The following JAKMIP3 variants were observed in gnomAD, a reference collection of about 807,000 sequenced individuals.
The protein encoded by JAKMIP3 is Janus kinase and microtubule interacting protein 3.
A neutral mutation model predicts 118.5 loss-of-function variants in JAKMIP3; 58 were observed. The ratio of observed to expected loss-of-function variants is 0.49; its 90% CI spans 0.40 to 0.61. The LOEUF (loss-of-function observed/expected upper bound fraction) is 0.61, where lower values mean the gene tolerates loss of function less well. JAKMIP3 is among the 20% of genes least tolerant of loss of function. JAKMIP3 has a pLI of 0.00. For missense variants in JAKMIP3, 950 were observed against 1,109.0 expected (o/e 0.86, Z 2.04); for synonymous variants, 486 against 451.2 (o/e 1.08, Z -0.98).
chr10:132,102,669 C>G (rs80025461), intron 1 of JAKMIP3, among the ~76,000 whole-genome samples: 7,646 of 152,254 alleles, frequency 0.05, 389 homozygotes, highest in East Asian at 0.2. Context: ...TTCACCCTCC[C>G]TCTGTGAGGC....
At chr10:132,053,131 C>T (rs753615310) in intron 1 of JAKMIP3, among the ~76,000 whole-genome samples, 1 of 152,172 alleles carries the variant, frequency 6.6e-6, no homozygotes, top group Non-Finnish European at 1.5e-5. Context: ...TCCTGCCAGG[C>T]AGCTGGAGGC....
rs114674205 is a variant in JAKMIP3, at chr10:132,110,636, G to T, written c.135+5693G>T. Among the ~76,000 whole-genome samples the T allele has an allele frequency of 3.3e-5, 5 of 152,376 alleles. No individual in the cohort carries two copies. The East Asian group carries it at 9.6e-4, about 29-fold the overall frequency. On this transcript the variant is annotated intron_variant, in intron 2 of 23. Coordinates refer to ENST00000684848, the MANE Select transcript of JAKMIP3 (RefSeq NM_001323087.2). Reference sequence around the variant, plus strand: ...GGTCCCTGTGAGTTCTGGAAAAAGCGTCTTGGATTTCAGTCCGATGGTTAA... The same window carrying T: ...GGTCCCTGTGAGTTCTGGAAAAAGCTTCTTGGATTTCAGTCCGATGGTTAA...
chr10:132,125,969 T>C (rs77889337), intron 3 of JAKMIP3, among the ~76,000 whole-genome samples: 1,998 of 152,270 alleles, frequency 0.013, 51 homozygotes, highest in African/African-American at 0.046. Context: ...CTCATGATCG[T>C]ATCTCACTGC....
At chr10:132,137,559 G>C (rs547820796) in intron 8 of JAKMIP3, among the ~76,000 whole-genome samples, 1 of 152,272 alleles carries the variant, frequency 6.6e-6, no homozygotes, top group African/African-American at 2.4e-5. Flanking sequence ...TCAGTTAATG[G>C]CCAGGGTCAG....
chr10:132,085,844 G>A (rs2042333493), intron 1 of JAKMIP3, among the ~76,000 whole-genome samples: 1 of 152,000 alleles, frequency 6.6e-6, no homozygotes, highest in African/African-American at 2.4e-5. Context: ...TTTATCTTTT[G>A]TATATATTTT....
At chr10:132,048,977 T>G (rs1047350892) in intron 1 of JAKMIP3, among the ~76,000 whole-genome samples, 17 of 152,170 alleles carry the variant, frequency 1.1e-4, no homozygotes, top group Admixed American at 3.3e-4. Flanking sequence ...GTCTATGCTT[T>G]CTTTCGTGGA....
At chr10:132,051,837 G>C (rs1208492435) in intron 1 of JAKMIP3, among the ~76,000 whole-genome samples, 1 of 152,178 alleles carries the variant, frequency 6.6e-6, no homozygotes, top group Non-Finnish European at 1.5e-5. Context: ...AAACTCTTGA[G>C]TTCAAAGTGA....
At chr10:132,113,767 T>G (rs2047212695) in intron 2 of JAKMIP3, among the ~76,000 whole-genome samples, 2 of 152,222 alleles carry the variant, frequency 1.3e-5, no homozygotes, top group African/African-American at 4.8e-5. Flanking sequence ...AGGGATTGAT[T>G]TTGGCACATG....
At chr10:132,084,537 C>T (rs4880324) in intron 1 of JAKMIP3, among the ~76,000 whole-genome samples, 38,515 of 151,996 alleles carry the variant, frequency 0.25, 5,214 homozygotes, top group East Asian at 0.41. Context: ...ATTTCTTTCC[C>T]TTGTCTGATT....
chr10:132,074,953 G>A (rs1265627733), intron 1 of JAKMIP3, among the ~76,000 whole-genome samples: 1 of 152,140 alleles, frequency 6.6e-6, no homozygotes, highest in Non-Finnish European at 1.5e-5. Flanking sequence ...CCCAGTGCAT[G>A]TTTTTGTTGA....
intron 1 of JAKMIP3, among the ~76,000 whole-genome samples, chr10:132,072,661 T>C (rs1237132455): frequency 6.6e-6 from 1 of 152,254 alleles, no homozygotes; most frequent in Non-Finnish European, 1.5e-5. Flanking sequence ...ATTTATTTTC[T>C]GTTAATATTA....
chr10:132,037,760 C>A (rs1483079309), intron 1 of JAKMIP3, among the ~76,000 whole-genome samples: 1 of 152,204 alleles, frequency 6.6e-6, no homozygotes, highest in Non-Finnish European at 1.5e-5. Context: ...AGGCACCCTG[C>A]AGCCCTTTCA....
rs115341185 is a variant in JAKMIP3, at chr10:132,157,460, C to T, written c.2220+3470C>T. 8.8e-3 allele frequency among the ~76,000 whole-genome samples: 1,341 copies of T among 152,236 alleles called. 21 individuals carry two copies. Among genetic ancestry groups the T allele is most frequent in the African/African-American group, 0.031 (1,287 of 41,520 alleles). ...GCAATTCCTATCCATTTCTGACGTC[C>T]CGACACACAAATGGAGATTATCTGC... On this transcript the variant is annotated intron_variant, in intron 19 of 23. Transcript: ENST00000684848.
chr10:132,145,109 C>A lies in JAKMIP3; in HGVS notation c.1605C>A (p.Thr535=). 1.2e-6 allele frequency: 2 copies of A among 1,611,918 alleles called. No homozygotes were observed. The highest frequency in any genetic ancestry group is 1.1e-5 in the South Asian group (1 of 90,798). ...GTLDAEREVK[T]REQLQAEVQR... ...GTATCTTTCCTCCCGTCCTACAGAC[C>A]CGTGAGCAGCTACAAGCCGAAGTGC... Residue 535 remains threonine, a splice_region_variant and synonymous_variant, in exon 12 of 24, where the codon ACC becomes ACA. Transcript: ENST00000684848.
chr10:132,063,018 C>G (rs1185454785), upstream of JAKMIP3, among the ~76,000 whole-genome samples: 4 of 152,140 alleles, frequency 2.6e-5, no homozygotes, highest in East Asian at 7.7e-4. Context: ...CTGAGAGGCC[C>G]CCGAGGAATT....
chr10:132,046,265 T>C (rs553486511), intron 1 of JAKMIP3, among the ~76,000 whole-genome samples: 6 of 152,070 alleles, frequency 3.9e-5, no homozygotes, highest in African/African-American at 1.4e-4. Flanking sequence ...CCATCCTGGC[T>C]AACACAGTGA....
In JAKMIP3 at chr10:132,138,371, C is replaced by T. The variant is rs372972652; in HGVS notation, c.1344+193C>T. On this transcript the variant is annotated intron_variant, in intron 9 of 23. Transcript: ENST00000684848. ...TGCCGGGTGCGTGTGGAGAGGACCG[C>T]GCCCGCGTGTGTGGAGAGTACGCCG... Among the ~76,000 whole-genome samples the T allele has an allele frequency of 2.7e-4, 40 of 146,894 alleles. No homozygotes were observed. The South Asian group carries it at 7.9e-3, about 29-fold the overall frequency.
At position 132,180,542 on chromosome 10, in the gene JAKMIP3, T is replaced by TGTGTGTGTGCGTGTGTGTGTGC. The variant is rs1392970396; in HGVS notation, c.*1104-1812_*1104-1811insTGTGTGCGTGTGTGTGTGCGTG. ...GCAGAACTGTGTGTGTGTGTGTGTG[T>TGTGTGTGTGCGTGTGTGTGTGC]GTGCGTGCGTGCATGCGTGTGTGTG... On this transcript the variant is annotated intron_variant, in intron 23 of 23. Transcript: ENST00000684848. 6.3e-5 allele frequency among the ~76,000 whole-genome samples: 2 copies of TGTGTGTGTGCGTGTGTGTGTGC among 31,794 alleles called. 1 individual carries two copies. Among genetic ancestry groups the TGTGTGTGTGCGTGTGTGTGTGC allele is most frequent in the Non-Finnish European group, 1.0e-4 (2 of 19,348 alleles). The allele number at this position is 31,794 out of a possible 152,430, so 20.9% of individuals were successfully genotyped here. A position where few individuals can be genotyped will look rare whatever the true frequency, so the allele number is the denominator to read the frequency against.
At chr10:132,093,450 C>T (rs1338831886) in intron 1 of JAKMIP3, among the ~76,000 whole-genome samples, 1 of 152,234 alleles carries the variant, frequency 6.6e-6, no homozygotes, top group African/African-American at 2.4e-5. Context: ...GCGCCCCCTC[C>T]ACCAGCCTCG....
Sources: allele counts gnomAD v4.1 joint callset (sites outside exome capture counted in the v4.1 genomes callset), GRCh38; gene constraint gnomAD v4.1.1; transcripts MANE v1.5; gene names NCBI Gene and HGNC (gene_info 2026-07-23, HGNC 2026-07-21).